The following LDLRAD3 variants were observed in gnomAD, a reference collection of about 807,000 sequenced individuals.
LDLRAD3 encodes the protein low density lipoprotein receptor class A domain containing 3.
A neutral mutation model predicts 29.4 loss-of-function variants in LDLRAD3; 20 were observed. The ratio of observed to expected loss-of-function variants is 0.68; its 90% CI spans 0.48 to 0.99. The LOEUF is 0.99. Among genes scored for constraint, LDLRAD3 ranks in the 50% least tolerant of loss-of-function variants. The pLI is 0.00. For missense variants in LDLRAD3, 420 were observed against 454.3 expected (o/e 0.92, Z 0.69); for synonymous variants, 157 against 192.7 (o/e 0.81, Z 1.53).
At chr11:36,120,029 T>G (rs183189761) in intron 4 of LDLRAD3, among the ~76,000 whole-genome samples, 1 of 152,360 alleles carries the variant, frequency 6.6e-6, no homozygotes, top group East Asian at 1.9e-4. Flanking sequence ...TTACGCATCA[T>G]TCTTTTGCAT....
intron 4 of LDLRAD3, among the ~76,000 whole-genome samples, chr11:36,199,566 T>TACACACACACACAC (rs57161243): frequency 1.9e-4 from 28 of 150,088 alleles, no homozygotes; most frequent in African/African-American, 5.1e-4. Context: ...GCTGTGGTTC[T>TACACACACACACAC]ACACACACAC....
intron 3 of LDLRAD3, among the ~76,000 whole-genome samples, chr11:36,095,621 C>T (rs1417438852): frequency 6.6e-6 from 1 of 152,182 alleles, no homozygotes; most frequent in Non-Finnish European, 1.5e-5. Flanking sequence ...TACTTGTAGA[C>T]ATACACACAC....
At chr11:36,178,917 A>ATTT (rs1854716972) in intron 4 of LDLRAD3, among the ~76,000 whole-genome samples, 1 of 152,170 alleles carries the variant, frequency 6.6e-6, no homozygotes, top group African/African-American at 2.4e-5. Flanking sequence ...TTTGATTGTA[A>ATTT]GTGTCTTGAG....
chr11:36,124,733 C>A (rs1350965694), intron 4 of LDLRAD3, among the ~76,000 whole-genome samples: 1 of 151,338 alleles, frequency 6.6e-6, no homozygotes, highest in Non-Finnish European at 1.5e-5. Flanking sequence ...ACTCTGTCGC[C>A]CAGGCTGGAG....
intron 4 of LDLRAD3, chr11:36,196,235 C>T (rs1855030670): frequency 6.6e-6 from 1 of 152,088 alleles, no homozygotes. Flanking sequence ...TCTTTTCTTA[C>T]TCTAAGACAC....
At chr11:36,085,510 G>C (rs969579481) in intron 3 of LDLRAD3, among the ~76,000 whole-genome samples, 3 of 152,012 alleles carry the variant, frequency 2.0e-5, no homozygotes, top group Admixed American at 2.0e-4. Flanking sequence ...TATTTTAAAA[G>C]TATTATACGT....
chr11:36,020,274 A>C (rs1419475078), intron 1 of LDLRAD3, among the ~76,000 whole-genome samples: 1 of 152,200 alleles, frequency 6.6e-6, no homozygotes, highest in African/African-American at 2.4e-5. Context: ...TGAATAAAAA[A>C]TAATATGAAT....
chr11:35,956,142 G>A (rs973942), intron 1 of LDLRAD3, among the ~76,000 whole-genome samples: 67,133 of 151,998 alleles, frequency 0.44, 15,088 homozygotes, highest in East Asian at 0.7. Context: ...GGTTACTGAG[G>A]AGAAGGTGTA....
chr11:36,043,001 C>T (rs1030025302), intron 2 of LDLRAD3, among the ~76,000 whole-genome samples: 1 of 124,944 alleles, frequency 8.0e-6, no homozygotes, highest in Non-Finnish European at 1.9e-5. Context: ...CAAACTATCT[C>T]CTTTGTTTAA....
chr11:35,966,285 C>T (rs140509716), intron 1 of LDLRAD3, among the ~76,000 whole-genome samples: 4 of 152,196 alleles, frequency 2.6e-5, no homozygotes, highest in African/African-American at 9.6e-5. Context: ...GTTAGCCAGA[C>T]GTGGTGGTAT....
rs544488256 is a variant in LDLRAD3 at position 36,027,762 on chromosome 11, G to T, written c.47-8341G>T. ...CACAAGGGGCTGGGCTGAACTTGAG[G>T]TTGTAGCAAAATCCTTCTTTTTGGG... is the stretch of plus-strand genomic sequence containing the variant. On this transcript the variant is annotated intron_variant, in intron 1 of 5. Coordinates refer to ENST00000315571, the MANE Select transcript of LDLRAD3 (RefSeq NM_174902.4). Among the ~76,000 whole-genome samples the T allele has an allele frequency of 2.6e-5, 4 of 152,368 alleles. No individual in the cohort carries two copies. The South Asian group carries it at 8.3e-4, about 32-fold the overall frequency.
intron 1 of LDLRAD3, chr11:35,968,007 C>T: frequency 4.5e-6 from 2 of 442,274 alleles, no homozygotes; most frequent in Non-Finnish European, 9.0e-6. Flanking sequence ...TCTATCCAGG[C>T]TTTTAATGCA....
chr11:36,203,483 G>A (rs954965031), intron 4 of LDLRAD3, among the ~76,000 whole-genome samples: 5 of 152,110 alleles, frequency 3.3e-5, no homozygotes, highest in Admixed American at 6.5e-5. Flanking sequence ...GTGCATCATC[G>A]TCTCAACTCC....
rs551660683 is a variant in LDLRAD3, at chr11:36,077,366, C to T, written c.194-4287C>T. 2.6e-5 allele frequency among the ~76,000 whole-genome samples: 4 copies of T among 152,312 alleles called. No individual in the cohort carries two copies. The South Asian group carries it at 8.3e-4, about 32-fold the overall frequency. On this transcript the variant is annotated intron_variant, in intron 2 of 5. Transcript: ENST00000315571. ...GATCTTTGGGGTATCACTTTGCCAACTGGAAATTTCTGTGGCCAGTGACAC... is the reference window on the plus strand; with the variant it reads ...GATCTTTGGGGTATCACTTTGCCAATTGGAAATTTCTGTGGCCAGTGACAC...
chr11:36,086,769 C>T (rs73454611), intron 3 of LDLRAD3, among the ~76,000 whole-genome samples: 11 of 152,270 alleles, frequency 7.2e-5, no homozygotes, highest in African/African-American at 2.6e-4. Flanking sequence ...CTCCATTTGG[C>T]CTGCTCCAAA....
intron 1 of LDLRAD3, among the ~76,000 whole-genome samples, chr11:35,993,610 G>C (rs1851715928): frequency 1.3e-5 from 2 of 148,778 alleles, no homozygotes; most frequent in African/African-American, 5.0e-5. Flanking sequence ...TGCAGCTCTG[G>C]AATCAGTATC....
chr11:36,144,462 G>A (rs11488788), intron 4 of LDLRAD3, among the ~76,000 whole-genome samples: 1 of 145,648 alleles, frequency 6.9e-6, no homozygotes, highest in African/African-American at 2.5e-5. Flanking sequence ...CTGCCCGGCC[G>A]CCATCCCATC....
intron 2 of LDLRAD3, among the ~76,000 whole-genome samples, chr11:36,067,141 A>G (rs1052595166): frequency 1.3e-5 from 2 of 152,038 alleles, no homozygotes; most frequent in African/African-American, 4.8e-5. Context: ...AAAATAGCAC[A>G]GGTTTATGAA....
intron 2 of LDLRAD3, among the ~76,000 whole-genome samples, chr11:36,050,854 G>T (rs1499513): frequency 4.6e-5 from 7 of 152,058 alleles, no homozygotes; most frequent in Non-Finnish European, 7.4e-5. Flanking sequence ...CCAAGACCAA[G>T]GCACTGACAG....
Sources: gnomAD v4.1 joint callset for allele counts (sites outside exome capture counted in the v4.1 genomes callset) on GRCh38, gnomAD v4.1.1 for gene constraint, MANE v1.5 for transcripts, NCBI Gene and HGNC (gene_info 2026-07-23, HGNC 2026-07-21) for gene names.